KLHDC4: variants seen among roughly 807,000 people sequenced by gnomAD.
KLHDC4 encodes kelch domain-containing protein 4.
KLHDC4 carries 90 observed loss-of-function variants against 62.4 expected under a neutral mutation model. That is an observed-to-expected ratio of 1.44 (90% confidence interval 1.22 to 1.72). The LOEUF is 1.72. Among genes scored for constraint, KLHDC4 ranks in the 40% most tolerant of loss-of-function variants. The pLI is 0.00. For missense variants in KLHDC4, 1,025 were observed against 699.7 expected (o/e 1.47, Z -5.25); for synonymous variants, 386 against 284.4 (o/e 1.36, Z -3.59).
chr16:87,745,320 G>A (rs1183456098), intron 5 of KLHDC4, among the ~76,000 whole-genome samples: 3 of 151,052 alleles, frequency 2.0e-5, no homozygotes, highest in East Asian at 3.9e-4. Flanking sequence ...TGGTGCCTCT[G>A]CCCAGCCCAT....
chr16:87,752,089 C>CAAAAAAAAAAAA lies in KLHDC4; in HGVS notation c.369+3093_369+3104dup, dbSNP rs1173625123. On this transcript the variant is annotated intron_variant, in intron 4 of 11. Coordinates refer to ENST00000270583, the MANE Select transcript of KLHDC4 (RefSeq NM_017566.4). ...TGGGCAACAGAGTGAGACTTTGTCT[C>CAAAAAAAAAAAA]AAAAAAAAAAAAAAAAAAAAAAAAA... Among the ~76,000 whole-genome samples the CAAAAAAAAAAAA allele has an allele frequency of 2.0e-3, 60 of 29,464 alleles. 3 individuals carry two copies. The highest frequency in any genetic ancestry group is 4.3e-3 in the African/African-American group (25 of 5,854). 19.3% of individuals were successfully genotyped at this position (29,464 alleles called of 152,430 possible). A position where few individuals can be genotyped will look rare whatever the true frequency, so the allele number is the denominator to read the frequency against.
At chr16:87,712,565 T>A (rs1017952477) in intron 8 of KLHDC4, among the ~76,000 whole-genome samples, 6 of 152,204 alleles carry the variant, frequency 3.9e-5, no homozygotes, top group African/African-American at 1.4e-4. Flanking sequence ...CGGGAAACAG[T>A]CCAGCATCCA....
At chr16:87,701,395 AG>A in exon 1 of KLHDC4, 1 of 327,466 alleles carries the variant, frequency 3.1e-6, no homozygotes, top group South Asian at 2.5e-5. Context: ...CCCACCCATT[AG>A]GAACAAATGC....
At chr16:87,759,782 T>C (rs1597406114) in intron 2 of KLHDC4, among the ~76,000 whole-genome samples, 1 of 152,098 alleles carries the variant, frequency 6.6e-6, no homozygotes, top group African/African-American at 2.4e-5. Flanking sequence ...CCTCTGACCC[T>C]GAATCTTTTC....
intron 5 of KLHDC4, among the ~76,000 whole-genome samples, chr16:87,736,883 G>C (rs2041402879): frequency 1.3e-5 from 2 of 152,008 alleles, no homozygotes; most frequent in Non-Finnish European, 1.5e-5. Context: ...CCAGTACTTT[G>C]GGAGGCCGAG....
intron 9 of KLHDC4, 187 bp from the exon 10 acceptor site, chr16:87,709,854 C>A: frequency 3.0e-6 from 2 of 664,174 alleles, no homozygotes; most frequent in Non-Finnish European, 5.0e-6. Context: ...ACGCTCCTGT[C>A]TCCCACTAGC....
At position 87,724,119 on chromosome 16, in the gene KLHDC4, T is replaced by C. The variant is rs542085155; in HGVS notation, c.759+2646A>G. On this transcript the variant is annotated intron_variant, in intron 7 of 11. Transcript: ENST00000270583. The stretch of plus-strand genomic sequence containing the variant: ...TCCCAAAGTGCTGGGATTACAGGCG[T>C]GAGCCACTGTGCTCGGCCTAAAAAG... 1.1e-4 allele frequency among the ~76,000 whole-genome samples: 17 copies of C among 152,324 alleles called. No individual in the cohort carries two copies. In the South Asian group the frequency reaches 3.5e-3, roughly 32 times the overall value.
At chr16:87,709,130 G>A in intron 10 of KLHDC4, 135 bp downstream of exon 10, 3 of 1,131,256 alleles carry the variant, frequency 2.7e-6, no homozygotes, top group Non-Finnish European at 2.5e-6. Flanking sequence ...ATCTGACCGT[G>A]GAGGCAGGAG....
At chr16:87,753,866 A>G (rs996006401) in intron 4 of KLHDC4, among the ~76,000 whole-genome samples, 11 of 150,628 alleles carry the variant, frequency 7.3e-5, no homozygotes, top group African/African-American at 2.7e-4. Context: ...CCAGCTACTC[A>G]GCGGGCTGAA....
rs376220012 is a variant in KLHDC4, at chr16:87,742,287, G to C, written c.506+6386C>G. Among the ~76,000 whole-genome samples the C allele has an allele frequency of 5.9e-5, 9 of 152,194 alleles. No individual in the cohort carries two copies. In the East Asian group the frequency reaches 1.5e-3, roughly 26 times the overall value. ...CCCTGTACCATCCCCAGCTACACTA[G>C]CCCCTGACGATCCGGCCACATAGCA... On this transcript the variant is annotated intron_variant, in intron 5 of 11. Coordinates refer to ENST00000270583, the MANE Select transcript of KLHDC4 (RefSeq NM_017566.4).
chr16:87,705,696 T>C (rs111418710), downstream of KLHDC4, among the ~76,000 whole-genome samples: 12,177 of 152,302 alleles, frequency 0.08, 659 homozygotes, highest in Admixed American at 0.18. Context: ...ATATTTCCTC[T>C]TCTTCCTCCA....
At chr16:87,741,446 G>T (rs2042226967) in intron 5 of KLHDC4, among the ~76,000 whole-genome samples, 1 of 152,178 alleles carries the variant, frequency 6.6e-6, no homozygotes, top group Non-Finnish European at 1.5e-5. Context: ...GAACCCTGTT[G>T]TGGGCTGCAC....
At position 87,726,840 on chromosome 16, in the gene KLHDC4, G is replaced by C; in HGVS notation, c.684C>G (p.Pro228=). 8 of 1,612,954 alleles carry C rather than the reference G, an allele frequency of 5.0e-6. No individual in the cohort carries two copies. Among genetic ancestry groups the C allele is most frequent in the Non-Finnish European group, 6.8e-6 (8 of 1,179,540 alleles). Residue 228 remains proline (P), a synonymous_variant, in exon 7 of 12, where the codon CCC becomes CCG. Coordinates refer to ENST00000270583, the MANE Select transcript of KLHDC4 (RefSeq NM_017566.4). ...WSKLSPSGTG[P]TPRSGCQMSV... is the part of the protein sequence containing the mutation. ...ACATCTGGCAGCCTGATCTGGGTGT[G>C]GGCCCCGTCCCTGACGGGGACAGCT...
exon 1 of KLHDC4, chr16:87,701,576 G>A: frequency 2.4e-6 from 1 of 412,140 alleles, no homozygotes; most frequent in Admixed American, 2.4e-5. Context: ...CGGGTGCTGG[G>A]CCCAGGCCGC....
At chr16:87,755,500 A>C (rs536598387) in intron 3 of KLHDC4, 5 of 445,410 alleles carry the variant, frequency 1.1e-5, no homozygotes, top group South Asian at 1.1e-4. Context: ...CAGGCCCATC[A>C]ATCTGGAAGG....
intron 5 of KLHDC4, among the ~76,000 whole-genome samples, chr16:87,741,432 G>C (rs943766717): frequency 1.2e-4 from 18 of 152,304 alleles, no homozygotes; most frequent in African/African-American, 4.3e-4. Context: ...TCTCACAGGA[G>C]TGAGAACCCT....
chr16:87,718,975 G>A (rs1368288892), intron 7 of KLHDC4, among the ~76,000 whole-genome samples: 1 of 151,720 alleles, frequency 6.6e-6, no homozygotes, highest in Non-Finnish European at 1.5e-5. Context: ...GAAGTGAGGA[G>A]CCCCTCCGCC....
chr16:87,730,805 A>G (rs2040214590), intron 5 of KLHDC4, 161 bp from the exon 6 acceptor site: 1 of 594,930 alleles, frequency 1.7e-6, no homozygotes, highest in African/African-American at 1.9e-5. Flanking sequence ...ATCAACTACC[A>G]AAACCATCCT....
intron 5 of KLHDC4, among the ~76,000 whole-genome samples, chr16:87,743,655 G>C (rs1033199222): frequency 2.6e-5 from 4 of 151,342 alleles, no homozygotes; most frequent in Admixed American, 1.3e-4. Context: ...CAAGATAATG[G>C]CGTGAACCCA....
Sources: allele counts gnomAD v4.1 joint callset (sites outside exome capture counted in the v4.1 genomes callset), GRCh38; gene constraint gnomAD v4.1.1; transcripts MANE v1.5; gene names NCBI Gene and HGNC (gene_info 2026-07-23, HGNC 2026-07-21).